Variants in ENOX1 observed in about 807,000 individuals in gnomAD.
The protein encoded by ENOX1 is candidate growth-related and time keeping constitutive hydroquinone (NADH) oxidase.
ENOX1 carries 42 observed loss-of-function variants against 82.5 expected under a neutral mutation model. The ratio of observed to expected loss-of-function variants is 0.51; its 90% CI spans 0.40 to 0.66. The LOEUF (loss-of-function observed/expected upper bound fraction) is 0.66, where lower values mean the gene tolerates loss of function less well. Among genes scored for constraint, ENOX1 ranks in the 30% least tolerant of loss-of-function variants. The pLI is 0.00. For missense variants in ENOX1, 608 were observed against 811.6 expected (o/e 0.75, Z 3.05); for synonymous variants, 271 against 282.2 (o/e 0.96, Z 0.40).
At chr13:43,293,504 C>T (rs140395717) in intron 12 of ENOX1, among the ~76,000 whole-genome samples, 3 of 152,268 alleles carry the variant, frequency 2.0e-5, no homozygotes, top group South Asian at 2.1e-4. Flanking sequence ...GCAACCATCA[C>T]CTCCACAGTC....
intron 2 of ENOX1, among the ~76,000 whole-genome samples, chr13:43,569,533 G>T (rs545715080): frequency 7.9e-5 from 12 of 152,200 alleles, no homozygotes; most frequent in African/African-American, 2.9e-4. Flanking sequence ...TAAGATAAAA[G>T]AGACTCCCAG....
intron 12 of ENOX1, among the ~76,000 whole-genome samples, chr13:43,297,258 G>A (rs2046331716): frequency 6.6e-6 from 1 of 151,982 alleles, no homozygotes; most frequent in Admixed American, 6.6e-5. Flanking sequence ...TTAGGTTGAT[G>A]TATCTGTAGT....
At chr13:43,268,721 A>G (rs2044521022) in intron 13 of ENOX1, among the ~76,000 whole-genome samples, 1 of 152,174 alleles carries the variant, frequency 6.6e-6, no homozygotes, top group Non-Finnish European at 1.5e-5. Flanking sequence ...GCATTTGATT[A>G]CTCACAGAGG....
At chr13:43,337,660 C>T (rs938868555) in intron 9 of ENOX1, among the ~76,000 whole-genome samples, 1 of 152,142 alleles carries the variant, frequency 6.6e-6, no homozygotes, top group African/African-American at 2.4e-5. Context: ...CATTTATACT[C>T]AGTGTGATGA....
chr13:43,296,983 A>C (rs1480546577), intron 12 of ENOX1, among the ~76,000 whole-genome samples: 1 of 152,148 alleles, frequency 6.6e-6, no homozygotes, highest in Non-Finnish European at 1.5e-5. Context: ...CTCACACAGC[A>C]GCTGTTACAT....
intron 2 of ENOX1, among the ~76,000 whole-genome samples, chr13:43,658,413 G>A (rs907666391): frequency 2.6e-5 from 4 of 152,044 alleles, no homozygotes; most frequent in African/African-American, 4.8e-5. Context: ...TCACACACAC[G>A]CATGCCTCAT....
At chr13:43,417,633 T>G (rs2054704415) in intron 3 of ENOX1, among the ~76,000 whole-genome samples, 1 of 152,222 alleles carries the variant, frequency 6.6e-6, no homozygotes, top group Non-Finnish European at 1.5e-5. Flanking sequence ...AAGATTAATC[T>G]TCTTAGCGAT....
intron 13 of ENOX1, among the ~76,000 whole-genome samples, chr13:43,267,171 T>C (rs2044426395): frequency 6.6e-6 from 1 of 152,136 alleles, no homozygotes; most frequent in Admixed American, 6.5e-5. Flanking sequence ...AGCTGCTGCT[T>C]TGTTCTTCTC....
chr13:43,478,786 G>T (rs2058393117), intron 3 of ENOX1, among the ~76,000 whole-genome samples: 1 of 152,130 alleles, frequency 6.6e-6, no homozygotes, highest in Non-Finnish European at 1.5e-5. Context: ...GTTAATTCAT[G>T]AATTCTTCTC....
At chr13:43,223,329 T>C (rs2041880776) in intron 16 of ENOX1, among the ~76,000 whole-genome samples, 1 of 152,222 alleles carries the variant, frequency 6.6e-6, no homozygotes, top group Non-Finnish European at 1.5e-5. Context: ...CTCCTGGGCT[T>C]CCCTAGTGTT....
rs562222868 is a variant in ENOX1 at position 43,760,819 on chromosome 13, CT to C, written c.-285+25832del. Among the ~76,000 whole-genome samples the C allele has an allele frequency of 1.4e-4, 20 of 147,622 alleles. No individual in the cohort carries two copies. In the East Asian group the frequency reaches 3.8e-3, roughly 28 times the overall value. On this transcript the variant is annotated intron_variant, in intron 1 of 16. Transcript: ENST00000690772. Reference sequence around the variant, plus strand: ...GACAAGAGGCACTGCACTTTCCTGACTTTATTCCAGGATCACAGATATTCCA... The same window carrying C: ...GACAAGAGGCACTGCACTTTCCTGACTTATTCCAGGATCACAGATATTCCA...
rs192394001 is a variant in ENOX1 at position 43,232,311 on chromosome 13, G to A, written c.1714+4325C>T. Among the ~76,000 whole-genome samples, 11 of 152,158 alleles carry A rather than the reference G, an allele frequency of 7.2e-5. No homozygotes were observed. The East Asian group carries it at 7.7e-4, about 11-fold the overall frequency. On this transcript the variant is annotated intron_variant, in intron 15 of 16. Coordinates refer to ENST00000690772, the MANE Select transcript of ENOX1 (RefSeq NM_001347969.2). ...ACAATGAAGACGGATTATTCTTATC[G>A]TAGGCTCTTGATAAATGTTTGTTGA...
At chr13:43,336,814 C>A (rs901848005) in intron 9 of ENOX1, among the ~76,000 whole-genome samples, 2 of 152,158 alleles carry the variant, frequency 1.3e-5, no homozygotes, top group South Asian at 4.1e-4. Flanking sequence ...AAAAAGGAGA[C>A]TGAAGTTGCT....
chr13:43,772,145 G>A (rs1363781474), intron 1 of ENOX1, among the ~76,000 whole-genome samples: 1 of 151,938 alleles, frequency 6.6e-6, no homozygotes. Flanking sequence ...CAGTTCCAAA[G>A]TTAATTTCTA....
intron 3 of ENOX1, among the ~76,000 whole-genome samples, chr13:43,442,174 C>A (rs1488377912): frequency 1.3e-5 from 2 of 152,252 alleles, no homozygotes; most frequent in Admixed American, 1.3e-4. Context: ...GGTATTAGTG[C>A]AGGCTGGTCT....
chr13:43,575,817 C>G (rs2080396585), intron 2 of ENOX1, among the ~76,000 whole-genome samples: 1 of 152,142 alleles, frequency 6.6e-6, no homozygotes. Context: ...TAAAGTCAAC[C>G]AACACAAGTG....
chr13:43,324,213 T>C (rs1262905672), intron 10 of ENOX1, among the ~76,000 whole-genome samples: 1 of 152,088 alleles, frequency 6.6e-6, no homozygotes, highest in Non-Finnish European at 1.5e-5. Context: ...CCCAAAGAGG[T>C]GGCTTAACAC....
At chr13:43,489,046 T>A (rs1034634035) in intron 2 of ENOX1, among the ~76,000 whole-genome samples, 1 of 151,668 alleles carries the variant, frequency 6.6e-6, no homozygotes, top group African/African-American at 2.4e-5. Context: ...ACCAAGTGCA[T>A]GACCAAGTGA....
chr13:43,299,680 C>T (rs2046467458), intron 11 of ENOX1, among the ~76,000 whole-genome samples: 1 of 152,198 alleles, frequency 6.6e-6, no homozygotes, highest in South Asian at 2.1e-4. Flanking sequence ...CACCAACTCT[C>T]CCACCACTCT....
Sources: allele counts gnomAD v4.1 joint callset (sites outside exome capture counted in the v4.1 genomes callset), GRCh38; gene constraint gnomAD v4.1.1; transcripts MANE v1.5; gene names NCBI Gene and HGNC (gene_info 2026-07-23, HGNC 2026-07-21).